Variants in WNK3 observed in about 807,000 individuals in gnomAD.
The protein encoded by WNK3 is WNK lysine deficient protein kinase 3, also known as serine/threonine-protein kinase WNK3.
A neutral mutation model predicts 116.7 loss-of-function variants in WNK3; 18 were observed. The ratio of observed to expected loss-of-function variants is 0.15; its 90% CI spans 0.11 to 0.23. The LOEUF (loss-of-function observed/expected upper bound fraction) is 0.23, where lower values mean the gene tolerates loss of function less well. WNK3 is among the 10% of genes least tolerant of loss of function. WNK3 has a pLI of 1.00. For missense variants in WNK3, 993 were observed against 1,323.8 expected (o/e 0.75, Z 3.88); for synonymous variants, 404 against 469.4 (o/e 0.86, Z 1.80).
intron 5 of WNK3, among the ~76,000 whole-genome samples, chrX:54,303,445 G>A: frequency 9.0e-6 from 1 of 111,303 alleles, no homozygotes; most frequent in Non-Finnish European, 1.9e-5. Context: ...AATTAAGCTG[G>A]AAGCAGAAAG....
At chrX:54,335,242 CT>C (rs1392417042) in intron 1 of WNK3, among the ~76,000 whole-genome samples, 1 of 110,884 alleles carries the variant, frequency 9.0e-6, no homozygotes, top group African/African-American at 3.3e-5. Context: ...GAGACTCTGT[CT>C]CAAAAAACAA....
intron 6 of WNK3, among the ~76,000 whole-genome samples, chrX:54,301,001 G>C (rs1388761760): frequency 9.0e-6 from 1 of 110,915 alleles, no homozygotes; most frequent in African/African-American, 3.3e-5. Context: ...ACAGCACTTT[G>C]GGAGGCTGAG....
chrX:54,278,884 A>G (rs920722844), intron 10 of WNK3, among the ~76,000 whole-genome samples: 1 of 111,246 alleles, frequency 9.0e-6, no homozygotes, highest in East Asian at 2.8e-4. Flanking sequence ...CTTGGCCAAC[A>G]TGGTGAAACC....
intron 10 of WNK3, among the ~76,000 whole-genome samples, chrX:54,286,650 C>T (rs782705426): frequency 8.4e-4 from 93 of 110,977 alleles, no homozygotes; most frequent in African/African-American, 2.8e-3. Flanking sequence ...TGGTGGCTCA[C>T]GTCTGTGATC....
intron 22 of WNK3, among the ~76,000 whole-genome samples, chrX:54,214,889 T>C (rs191800020): frequency 6.1e-4 from 67 of 109,634 alleles, no homozygotes; most frequent in Middle Eastern, 9.4e-3. Flanking sequence ...GGCGGGCGCC[T>C]GTAGTCCCAG....
chrX:54,254,308 C>T (rs55998917), intron 12 of WNK3, among the ~76,000 whole-genome samples: 1,431 of 111,937 alleles, frequency 0.013, 17 homozygotes, highest in Non-Finnish European at 0.019. Flanking sequence ...GTAAAGAAAA[C>T]AATACAACTT....
intron 2 of WNK3, among the ~76,000 whole-genome samples, chrX:54,315,575 G>C (rs1360037337): frequency 9.0e-6 from 1 of 111,461 alleles, no homozygotes; most frequent in Non-Finnish European, 1.9e-5. Context: ...GGATGGTGTA[G>C]CCTTTTCCCC....
At chrX:54,306,676 A>G (rs1404036498) in intron 5 of WNK3, among the ~76,000 whole-genome samples, 1 of 111,190 alleles carries the variant, frequency 9.0e-6, no homozygotes, top group African/African-American at 3.3e-5. Flanking sequence ...AAAAGGTACA[A>G]GTTGCAGTTA....
At chrX:54,212,467 T>A (rs2067627125) in intron 22 of WNK3, among the ~76,000 whole-genome samples, 1 of 112,450 alleles carries the variant, frequency 8.9e-6, no homozygotes, top group Admixed American at 9.5e-5. Context: ...TAGAATTTGA[T>A]GAAAGCATCT....
intron 1 of WNK3, among the ~76,000 whole-genome samples, chrX:54,339,053 C>A (rs2069284255): frequency 9.2e-6 from 1 of 108,905 alleles, no homozygotes; most frequent in African/African-American, 3.3e-5. Context: ...AGAAATCTTC[C>A]CTCAGTCTTT....
At chrX:54,310,007 A>T (rs1463258498) in intron 3 of WNK3, among the ~76,000 whole-genome samples, 1 of 110,750 alleles carries the variant, frequency 9.0e-6, no homozygotes, top group Middle Eastern at 4.3e-3. Flanking sequence ...GGAAACAAAA[A>T]GTTTATACCA....
intron 22 of WNK3, among the ~76,000 whole-genome samples, chrX:54,221,973 A>G (rs2067767489): frequency 1.8e-5 from 2 of 111,946 alleles, no homozygotes; most frequent in South Asian, 7.5e-4. Flanking sequence ...CCTGGCTAAT[A>G]TGGTGAAACC....
chrX:54,267,018 T>C (rs1194815611), intron 10 of WNK3, among the ~76,000 whole-genome samples: 5 of 110,856 alleles, frequency 4.5e-5, no homozygotes, highest in Admixed American at 9.8e-5. Flanking sequence ...CCGTGTTAGT[T>C]TGTTGAGGAT....
intron 22 of WNK3, chrX:54,223,568 C>A (rs1463706787): frequency 1.8e-5 from 2 of 114,087 alleles, no homozygotes; most frequent in Admixed American, 9.3e-5. Flanking sequence ...CTGCAAATAA[C>A]CAGTTTACCT....
rs934380865 is a variant in WNK3, at chrX:54,300,378, G to A, written c.1178+1393C>T. On this transcript the variant is annotated intron_variant, in intron 6 of 23. Transcript: ENST00000354646. ...TCTCATTTTGCTTCCCAGACTGGTCGTGAACTCCTGGCCTCAAGTGATCCT... is the reference window on the plus strand; with the variant it reads ...TCTCATTTTGCTTCCCAGACTGGTCATGAACTCCTGGCCTCAAGTGATCCT... Among the ~76,000 whole-genome samples the A allele has an allele frequency of 2.7e-5, 3 of 109,894 alleles. No individual in the cohort carries two copies. The South Asian group carries it at 1.2e-3, about 44-fold the overall frequency.
chrX:54,272,783 T>C (rs1557159697), intron 10 of WNK3, among the ~76,000 whole-genome samples: 1 of 112,093 alleles, frequency 8.9e-6, no homozygotes, highest in African/African-American at 3.2e-5. Flanking sequence ...ACAGTAACTA[T>C]ATGGGTCTAA....
intron 4 of WNK3, 126 bp downstream of exon 4, chrX:54,308,969 G>A (rs986601002): frequency 3.8e-6 from 2 of 525,916 alleles, no homozygotes; most frequent in African/African-American, 2.4e-5. Context: ...AATAAAATTC[G>A]ATTTACAAAA....
At chrX:54,198,122 G>A in exon 24 of WNK3, 1 of 336,248 alleles carries the variant, frequency 3.0e-6, no homozygotes. Context: ...ATTTCTGTGT[G>A]CAGTGTTCTA....
chrX:54,242,595 T>C (rs2068033467), intron 17 of WNK3, among the ~76,000 whole-genome samples: 1 of 112,449 alleles, frequency 8.9e-6, no homozygotes. Flanking sequence ...GAGTGATGAA[T>C]TGAATTAGTC....
Sources: gnomAD v4.1 joint callset for allele counts (sites outside exome capture counted in the v4.1 genomes callset) on GRCh38, gnomAD v4.1.1 for gene constraint, MANE v1.5 for transcripts, NCBI Gene and HGNC (gene_info 2026-07-23, HGNC 2026-07-21) for gene names.